The following IPO11 variants were observed in gnomAD, a reference collection of about 807,000 sequenced individuals.
IPO11 encodes the protein importin 11.
IPO11 carries 66 observed loss-of-function variants against 143.2 expected under a neutral mutation model. The ratio of observed to expected loss-of-function variants is 0.46; its 90% CI spans 0.38 to 0.57. The LOEUF (loss-of-function observed/expected upper bound fraction) is 0.57, where lower values mean the gene tolerates loss of function less well. IPO11 is among the 20% of genes least tolerant of loss of function. The pLI is 0.00. For synonymous variants in IPO11, 385 were observed against 377.8 expected (o/e 1.02, Z -0.22); for missense variants, 1,026 against 1,141.0 (o/e 0.90, Z 1.45).
intron 1 of IPO11, among the ~76,000 whole-genome samples, chr5:62,423,008 T>C (rs1370941343): frequency 1.3e-5 from 2 of 152,236 alleles, no homozygotes; most frequent in Middle Eastern, 3.4e-3. Context: ...AGAAAGGGGA[T>C]TGGAGAGCGC....
chr5:62,603,878 C>T (rs998276913), intron 29 of IPO11, among the ~76,000 whole-genome samples: 3 of 152,122 alleles, frequency 2.0e-5, no homozygotes, highest in Admixed American at 6.5e-5. Context: ...GATAGTGGTC[C>T]GATAAGATAA....
rs187511215 is a variant in IPO11, at chr5:62,474,111, T to A, written c.709-305T>A. On this transcript the variant is annotated intron_variant, in intron 7 of 29. Transcript: ENST00000325324. Reference sequence around the variant, plus strand: ...GGATTTAAAGCCTGTGAAGAAAAATTAAAGCAGTAAGGAGAATAGAGAGTG... The same window carrying A: ...GGATTTAAAGCCTGTGAAGAAAAATAAAAGCAGTAAGGAGAATAGAGAGTG... 1.6e-4 allele frequency among the ~76,000 whole-genome samples: 24 copies of A among 152,302 alleles called. No homozygotes were observed. In the East Asian group the frequency reaches 4.4e-3, roughly 28 times the overall value.
At chr5:62,495,530 A>G (rs1345317629) in intron 16 of IPO11, among the ~76,000 whole-genome samples, 1 of 152,180 alleles carries the variant, frequency 6.6e-6, no homozygotes, top group Non-Finnish European at 1.5e-5. Context: ...GTTGCAGTGC[A>G]GTGATACTAT....
chr5:62,481,119 C>T (rs1429738999), intron 9 of IPO11, among the ~76,000 whole-genome samples: 3 of 151,828 alleles, frequency 2.0e-5, no homozygotes, highest in African/African-American at 7.3e-5. Flanking sequence ...AGGGTTTCAC[C>T]GTGTTAGCCA....
intron 27 of IPO11, among the ~76,000 whole-genome samples, chr5:62,569,209 C>T (rs1580334996): frequency 6.6e-6 from 1 of 152,134 alleles, no homozygotes; most frequent in Non-Finnish European, 1.5e-5. Flanking sequence ...CTCTCTCTCC[C>T]CCAAGCACAC....
chr5:62,627,393 C>A lies in IPO11; in HGVS notation c.*75C>A. The stretch of plus-strand genomic sequence containing the variant: ...CCAGCCTGCCGTTTGTATGTGAGAG[C>A]CTGCTGAGATGAAGAAATCACTTCA... On this transcript the variant is annotated 3_prime_UTR_variant, in exon 30 of 30. Coordinates refer to ENST00000325324, the MANE Select transcript of IPO11 (RefSeq NM_016338.5). 2 of 1,355,274 alleles carry A rather than the reference C, an allele frequency of 1.5e-6. No individual in the cohort carries two copies. The highest frequency in any genetic ancestry group is 2.0e-6 in the Non-Finnish European group (2 of 990,414). The allele number at this position is 1,355,274 out of a possible 1,614,324, so 84.0% of individuals were successfully genotyped here.
At chr5:62,422,364 T>G (rs1743544900) in intron 1 of IPO11, 1 of 152,306 alleles carries the variant, frequency 6.6e-6, no homozygotes, top group Non-Finnish European at 1.5e-5. Flanking sequence ...TGACCTCAGG[T>G]GATCTGCCTG....
intron 1 of IPO11, chr5:62,413,570 G>A (rs1164589105): frequency 6.6e-6 from 1 of 152,126 alleles, no homozygotes; most frequent in Non-Finnish European, 1.5e-5. Context: ...TGACATGTTG[G>A]TGAATGAGAG....
intron 5 of IPO11, among the ~76,000 whole-genome samples, chr5:62,463,223 T>G (rs1240177527): frequency 6.6e-6 from 1 of 152,022 alleles, no homozygotes; most frequent in Admixed American, 6.5e-5. Flanking sequence ...TTAAGAAACA[T>G]TTTGTAGAAA....
chr5:62,625,614 A>G (rs535125627), intron 29 of IPO11, among the ~76,000 whole-genome samples: 2 of 152,238 alleles, frequency 1.3e-5, no homozygotes, highest in South Asian at 2.1e-4. Context: ...CCAAGAGCAT[A>G]TGGAAGTAAT....
chr5:62,592,686 C>A (rs974177414), intron 28 of IPO11, among the ~76,000 whole-genome samples: 80 of 152,254 alleles, frequency 5.3e-4, no homozygotes, highest in Non-Finnish European at 7.6e-4. Flanking sequence ...AGGAAACCTA[C>A]TGTCATGGCA....
chr5:62,529,454 T>C (rs1742471630), intron 21 of IPO11, among the ~76,000 whole-genome samples: 1 of 152,186 alleles, frequency 6.6e-6, no homozygotes, highest in Admixed American at 6.5e-5. Flanking sequence ...ATGCATATTA[T>C]AAACATTTTT....
chr5:62,495,501 G>A (rs1013562619), intron 16 of IPO11, among the ~76,000 whole-genome samples: 1 of 152,150 alleles, frequency 6.6e-6, no homozygotes, highest in East Asian at 1.9e-4. Context: ...GGGAGACTGA[G>A]TCTCTCTTTT....
intron 22 of IPO11, among the ~76,000 whole-genome samples, chr5:62,531,132 AT>A (rs1216738783): frequency 6.6e-6 from 1 of 152,088 alleles, no homozygotes; most frequent in Non-Finnish European, 1.5e-5. Context: ...CATACCTTCC[AT>A]TTTTATTTAA....
intron 1 of IPO11, among the ~76,000 whole-genome samples, chr5:62,415,305 A>G (rs996854215): frequency 3.5e-5 from 5 of 141,308 alleles, no homozygotes; most frequent in Non-Finnish European, 6.2e-5. Flanking sequence ...CTAGGATTAC[A>G]GGTGCCTGCC....
chr5:62,584,822 A>G (rs1025581488), intron 27 of IPO11, among the ~76,000 whole-genome samples: 1 of 151,324 alleles, frequency 6.6e-6, no homozygotes, highest in Non-Finnish European at 1.5e-5. Context: ...GTGGCCGCAC[A>G]CTTTTAATGT....
intron 2 of IPO11, among the ~76,000 whole-genome samples, chr5:62,441,907 G>A (rs935894313): frequency 2.6e-5 from 4 of 151,116 alleles, no homozygotes; most frequent in Non-Finnish European, 4.4e-5. Context: ...GCACAGTGGC[G>A]CGATCTCGGC....
At chr5:62,563,833 C>G (rs1373952886) in intron 27 of IPO11, among the ~76,000 whole-genome samples, 1 of 152,098 alleles carries the variant, frequency 6.6e-6, no homozygotes, top group Non-Finnish European at 1.5e-5. Context: ...GATGCTCAAT[C>G]TATCGTTGGC....
chr5:62,554,220 G>A (rs752365998), intron 26 of IPO11, among the ~76,000 whole-genome samples: 7 of 152,210 alleles, frequency 4.6e-5, no homozygotes, highest in Non-Finnish European at 8.8e-5. Context: ...CTCCCACCCT[G>A]TGGGATGTTC....
Sources: allele counts gnomAD v4.1 joint callset (sites outside exome capture counted in the v4.1 genomes callset), GRCh38; gene constraint gnomAD v4.1.1; transcripts MANE v1.5; gene names NCBI Gene and HGNC (gene_info 2026-07-23, HGNC 2026-07-21).